Variants in ZFHX3 observed in about 807,000 individuals in gnomAD.
The protein encoded by ZFHX3 is zinc finger homeobox 3.
A neutral mutation model predicts 279.1 loss-of-function variants in ZFHX3; 42 were observed. The ratio of observed to expected loss-of-function variants is 0.15; its 90% CI spans 0.12 to 0.19. The LOEUF (loss-of-function observed/expected upper bound fraction) is 0.19. Among genes scored for constraint, ZFHX3 ranks in the 10% least tolerant of loss-of-function variants. The probability of loss-of-function intolerance (pLI) is 1.00; values close to 1 mark genes in which losing one functional copy is unlikely to be tolerated. For synonymous variants in ZFHX3, 2,293 were observed against 1,957.8 expected, an observed-to-expected ratio of 1.17 and a Z score of -4.52; for missense variants, 4,981 against 4,754.0, an observed-to-expected ratio of 1.05 and a Z score of -1.40.
At chr16:73,127,370 T>C in intron 7 of ZFHX3, 6 of 1,305,444 alleles carry the variant, frequency 4.6e-6, no homozygotes, top group Non-Finnish European at 5.1e-6. Flanking sequence ...TCCACTTAAC[T>C]GAATGGCTGC....
At chr16:73,733,920 C>T (rs545990592) in intron 1 of ZFHX3, among the ~76,000 whole-genome samples, 2 of 152,238 alleles carry the variant, frequency 1.3e-5, no homozygotes, top group East Asian at 3.9e-4. Context: ...TTAACTATGC[C>T]TGGTAACAGT....
At chr16:73,860,742 C>G (rs954471572) in intron 1 of ZFHX3, among the ~76,000 whole-genome samples, 18 of 152,078 alleles carry the variant, frequency 1.2e-4, no homozygotes, top group Admixed American at 1.2e-3. Context: ...AAGTTCAGGC[C>G]TTCTCCGTGC....
At chr16:73,701,001 T>G (rs2053240723) in intron 1 of ZFHX3, among the ~76,000 whole-genome samples, 1 of 152,238 alleles carries the variant, frequency 6.6e-6, no homozygotes, top group Non-Finnish European at 1.5e-5. Context: ...TCTTTTAAAC[T>G]TGCCCTTATT....
chr16:73,287,459 G>T (rs2014647118), intron 4 of ZFHX3, among the ~76,000 whole-genome samples: 1 of 148,210 alleles, frequency 6.7e-6, no homozygotes, highest in Non-Finnish European at 1.5e-5. Flanking sequence ...TGGGTGTGTG[G>T]CTGTGTGGGT....
intron 2 of ZFHX3, among the ~76,000 whole-genome samples, chr16:73,663,713 T>C (rs569521798): frequency 4.6e-5 from 7 of 152,320 alleles, no homozygotes; most frequent in African/African-American, 1.7e-4. Context: ...AATGAATGCA[T>C]CTGGGGAAGC....
intron 4 of ZFHX3, chr16:73,294,010 A>C (rs1273514778): frequency 6.6e-6 from 1 of 151,484 alleles, no homozygotes; most frequent in Non-Finnish European, 1.5e-5. Flanking sequence ...AAAAAAAAAA[A>C]AAACCACAAA....
chr16:73,853,389 T>A (rs76190911), intron 1 of ZFHX3, among the ~76,000 whole-genome samples: 1,821 of 152,280 alleles, frequency 0.012, 25 homozygotes, highest in Middle Eastern at 0.024. Context: ...TACAGCACAA[T>A]TCCCATAGCA....
rs560905374 is a variant in ZFHX3 at position 72,912,176 on chromosome 16, C to T, written c.3217-22214G>A. On this transcript the variant is annotated intron_variant, in intron 3 of 9. Transcript: ENST00000268489. ...TGAAGGGTAGACAAAGGCAGGAGCT[C>T]GACCCTGCCAGGCTCCGCGCGGGGA... is the stretch of plus-strand genomic sequence containing the variant. Among the ~76,000 whole-genome samples the T allele has an allele frequency of 7.9e-5, 12 of 152,314 alleles. 1 individual carries two copies. Among genetic ancestry groups the T allele is most frequent in the South Asian group, 2.1e-4 (1 of 4,830 alleles).
intron 5 of ZFHX3, among the ~76,000 whole-genome samples, chr16:73,190,837 G>C (rs1425822557): frequency 6.6e-6 from 1 of 152,120 alleles, no homozygotes; most frequent in Non-Finnish European, 1.5e-5. Flanking sequence ...GGGGAGAGCA[G>C]AGTGGGGACA....
intron 2 of ZFHX3, among the ~76,000 whole-genome samples, chr16:73,555,550 GC>G (rs2020265989): frequency 6.6e-6 from 1 of 151,964 alleles, no homozygotes; most frequent in Non-Finnish European, 1.5e-5. Context: ...GATGCAGTTG[GC>G]CGGGTGCCGG....
At chr16:73,384,778 C>T (rs2016870434) in intron 3 of ZFHX3, among the ~76,000 whole-genome samples, 1 of 152,186 alleles carries the variant, frequency 6.6e-6, no homozygotes, top group Non-Finnish European at 1.5e-5. Flanking sequence ...TGCCTTTTGA[C>T]TTCCAGCATC....
chr16:73,580,685 GTTGCTTTGGGT>G (rs1456392814), intron 2 of ZFHX3, among the ~76,000 whole-genome samples: 2 of 151,752 alleles, frequency 1.3e-5, no homozygotes, highest in African/African-American at 4.9e-5. Flanking sequence ...ATTGGTGGTG[GTTGCTTTGGGT>G]TTGCTTTCTC....
intron 3 of ZFHX3, among the ~76,000 whole-genome samples, chr16:73,452,421 T>C (rs540287684): frequency 6.6e-6 from 1 of 152,308 alleles, no homozygotes; most frequent in Non-Finnish European, 1.5e-5. Context: ...ATTAAAAATA[T>C]AATGAACTCT....
At chr16:73,653,372 G>T (rs1355956883) in intron 2 of ZFHX3, among the ~76,000 whole-genome samples, 2 of 152,076 alleles carry the variant, frequency 1.3e-5, no homozygotes, top group African/African-American at 2.4e-5. Flanking sequence ...TCTAAGAACT[G>T]AAATTATACA....
chr16:73,107,955 A>T (rs922166671), intron 7 of ZFHX3, among the ~76,000 whole-genome samples: 6 of 152,074 alleles, frequency 3.9e-5, no homozygotes, highest in Non-Finnish European at 8.8e-5. Flanking sequence ...AGGTCAGGAG[A>T]TCGAGACCAT....
intron 3 of ZFHX3, among the ~76,000 whole-genome samples, chr16:73,390,632 T>C (rs2016992199): frequency 6.6e-6 from 1 of 152,206 alleles, no homozygotes; most frequent in South Asian, 2.1e-4. Flanking sequence ...GTGTTGTTGC[T>C]GCTGGGGATA....
At chr16:72,837,472 T>C (rs979425602) in intron 4 of ZFHX3, among the ~76,000 whole-genome samples, 5 of 147,940 alleles carry the variant, frequency 3.4e-5, no homozygotes, top group Admixed American at 7.1e-5. Flanking sequence ...GCTCCAATGA[T>C]GATTTTTTTT....
intron 2 of ZFHX3, among the ~76,000 whole-genome samples, chr16:73,560,214 T>A (rs1467292968): frequency 6.8e-6 from 1 of 148,000 alleles, no homozygotes; most frequent in Non-Finnish European, 1.5e-5. Context: ...CAAGGACTAT[T>A]TCAGAGACCG....
At chr16:73,285,376 C>A (rs1463769938) in intron 4 of ZFHX3, among the ~76,000 whole-genome samples, 2 of 152,160 alleles carry the variant, frequency 1.3e-5, no homozygotes, top group Non-Finnish European at 2.9e-5. Context: ...CAGGAGAGCA[C>A]CATTAAACCA....
Sources: gnomAD v4.1 joint callset for allele counts (sites outside exome capture counted in the v4.1 genomes callset) on GRCh38, gnomAD v4.1.1 for gene constraint, MANE v1.5 for transcripts, NCBI Gene and HGNC (gene_info 2026-07-23, HGNC 2026-07-21) for gene names.